SMARCC1: variants seen among roughly 807,000 people sequenced by gnomAD.
SMARCC1 encodes SWI/SNF related BAF chromatin remodeling complex subunit C1.
SMARCC1 carries 43 observed loss-of-function variants against 147.4 expected under a neutral mutation model. The ratio of observed to expected loss-of-function variants is 0.29; its 90% CI spans 0.23 to 0.38. The LOEUF is 0.38. Among genes scored for constraint, SMARCC1 ranks in the 10% least tolerant of loss-of-function variants. The pLI is 1.00. For synonymous variants in SMARCC1, 495 were observed against 484.4 expected, an observed-to-expected ratio of 1.02 and a Z score of -0.29; for missense variants, 1,119 against 1,381.1, an observed-to-expected ratio of 0.81 and a Z score of 3.01.
At chr3:47,656,979 T>A (rs2033270519) in intron 21 of SMARCC1, among the ~76,000 whole-genome samples, 1 of 152,104 alleles carries the variant, frequency 6.6e-6, no homozygotes, top group Non-Finnish European at 1.5e-5. Context: ...AATGGCACGC[T>A]AATATCAGGT....
chr3:47,723,545 G>A (rs2034262088), intron 6 of SMARCC1, among the ~76,000 whole-genome samples: 1 of 151,912 alleles, frequency 6.6e-6, no homozygotes, highest in African/African-American at 2.4e-5. Context: ...CAGGCACAGT[G>A]GCTCACACCT....
chr3:47,693,095 AG>A (rs1161303356), intron 12 of SMARCC1, 145 bp downstream of exon 12: 2 of 616,304 alleles, frequency 3.2e-6, no homozygotes, highest in Non-Finnish European at 5.8e-6. Flanking sequence ...GCTGGAGCCC[AG>A]AAGTTTAAAG....
intron 5 of SMARCC1, among the ~76,000 whole-genome samples, chr3:47,730,185 A>T (rs2034353241): frequency 6.6e-6 from 1 of 152,140 alleles, no homozygotes. Flanking sequence ...AAAATAAAAA[A>T]TAAAAAAAAA....
At chr3:47,687,431 A>G (rs935865909) in intron 13 of SMARCC1, among the ~76,000 whole-genome samples, 8 of 152,342 alleles carry the variant, frequency 5.3e-5, no homozygotes, top group South Asian at 2.1e-4. Flanking sequence ...GGCCAACAGT[A>G]TAAGTTTTAA....
chr3:47,640,228 A>C lies in SMARCC1; in HGVS notation c.2321-1448T>G, dbSNP rs558807331. ...ATAGTGAAAAAAGAAAACAATATAG[A>C]AAGTAGGGATGGAAAAAAAGAAAAT... On this transcript the variant is annotated intron_variant, in intron 21 of 27. Transcript: ENST00000254480. 2.0e-5 allele frequency among the ~76,000 whole-genome samples: 3 copies of C among 152,220 alleles called. No homozygotes were observed. The East Asian group carries it at 5.8e-4, about 29-fold the overall frequency.
intron 9 of SMARCC1, among the ~76,000 whole-genome samples, chr3:47,708,083 C>CTTTTTTTTTTTT (rs915291740): frequency 6.2e-5 from 4 of 64,270 alleles, no homozygotes; most frequent in African/African-American, 2.0e-4. Context: ...AATTTTTTTT[C>CTTTTTTTTTTTT]TTTTTTTTTT....
intron 2 of SMARCC1, among the ~76,000 whole-genome samples, chr3:47,752,311 A>C (rs1404204045): frequency 6.6e-6 from 1 of 152,156 alleles, no homozygotes; most frequent in Non-Finnish European, 1.5e-5. Flanking sequence ...AGGAACAAGA[A>C]ACTTCTTAGA....
intron 7 of SMARCC1, among the ~76,000 whole-genome samples, chr3:47,718,519 T>C (rs1171220984): frequency 2.0e-5 from 3 of 151,816 alleles, no homozygotes; most frequent in Non-Finnish European, 4.4e-5. Flanking sequence ...TTGCTATAAA[T>C]AATATGAGAA....
At chr3:47,683,303 C>A (rs1382222580) in intron 14 of SMARCC1, among the ~76,000 whole-genome samples, 1 of 152,014 alleles carries the variant, frequency 6.6e-6, no homozygotes, top group South Asian at 2.1e-4. Flanking sequence ...GCCTTGGCCT[C>A]CAAAAGTGCT....
chr3:47,705,344 C>CTG (rs760897134), intron 10 of SMARCC1, among the ~76,000 whole-genome samples: 2 of 141,806 alleles, frequency 1.4e-5, no homozygotes, highest in Non-Finnish European at 1.5e-5. Context: ...AAAAAAAAAA[C>CTG]GAACTATAAA....
chr3:47,774,831 T>C (rs2106879036), intron 1 of SMARCC1, among the ~76,000 whole-genome samples: 1 of 150,578 alleles, frequency 6.6e-6, no homozygotes, highest in African/African-American at 2.4e-5. Context: ...TTCAAGACAG[T>C]GGTTTCTTGC....
At chr3:47,625,323 TAAAAAAAGAAAGG>T (rs2032793097) in intron 24 of SMARCC1, among the ~76,000 whole-genome samples, 1 of 151,756 alleles carries the variant, frequency 6.6e-6, no homozygotes, top group African/African-American at 2.4e-5. Flanking sequence ...TTTACAATTT[TAAAAAAAGAAAGG>T]AAAAAAAGAA....
chr3:47,622,270 T>C lies in SMARCC1; in HGVS notation c.2718A>G (p.Lys906=), dbSNP rs767347785. Residue 906 remains lysine (K), a synonymous_variant, in exon 25 of 28, where the codon AAA becomes AAG. Transcript: ENST00000254480. ...CAAAATGTCGAAGTTTGATCTCTAG[T>C]TTCTTCATTTGTGTCTCAACCAAGA... The part of the protein sequence containing the change: ...VALLVETQMK[K]LEIKLRHFEE... 4 of 1,605,924 alleles carry C rather than the reference T, an allele frequency of 2.5e-6. No individual in the cohort carries two copies. In the African/African-American group the frequency reaches 4.0e-5, roughly 16 times the overall value.
intron 19 of SMARCC1, among the ~76,000 whole-genome samples, chr3:47,667,649 C>A (rs550548013): frequency 6.6e-6 from 1 of 152,060 alleles, no homozygotes; most frequent in South Asian, 2.1e-4. Flanking sequence ...GAGGTTGAGG[C>A]GGGCAGATCA....
intron 1 of SMARCC1, 59 bp downstream of exon 1, chr3:47,781,544 G>C (rs1409281636): frequency 8.5e-6 from 11 of 1,301,272 alleles, no homozygotes; most frequent in Non-Finnish European, 1.1e-5. Flanking sequence ...CGCGAGGCCA[G>C]CTGCCGCCTC....
At chr3:47,703,187 G>A (rs2033947149) in intron 10 of SMARCC1, among the ~76,000 whole-genome samples, 1 of 152,136 alleles carries the variant, frequency 6.6e-6, no homozygotes, top group Non-Finnish European at 1.5e-5. Context: ...GCCCACCTCA[G>A]CCTCCCAAAG....
intron 26 of SMARCC1, among the ~76,000 whole-genome samples, chr3:47,608,690 A>G (rs1559624516): frequency 6.6e-6 from 1 of 151,910 alleles, no homozygotes; most frequent in Non-Finnish European, 1.5e-5. Flanking sequence ...TATAAAAACA[A>G]AACCAAAAAT....
At chr3:47,599,335 A>G (rs1559622501) in intron 26 of SMARCC1, among the ~76,000 whole-genome samples, 1 of 152,200 alleles carries the variant, frequency 6.6e-6, no homozygotes, top group Non-Finnish European at 1.5e-5. Context: ...GTGAGCAGAG[A>G]TCACACCACT....
intron 25 of SMARCC1, among the ~76,000 whole-genome samples, chr3:47,619,515 C>CA (rs1325555269): frequency 6.6e-6 from 1 of 152,104 alleles, no homozygotes; most frequent in Non-Finnish European, 1.5e-5. Context: ...AGGAGGTAGG[C>CA]AAAAAGTGGG....
Sources: allele counts gnomAD v4.1 joint callset (sites outside exome capture counted in the v4.1 genomes callset), GRCh38; gene constraint gnomAD v4.1.1; transcripts MANE v1.5; gene names NCBI Gene and HGNC (gene_info 2026-07-23, HGNC 2026-07-21).